NTM: variants seen among roughly 807,000 people sequenced by gnomAD.
NTM encodes IgLON family member 2.
A neutral mutation model predicts 42.1 loss-of-function variants in NTM; 13 were observed. The ratio of observed to expected loss-of-function variants is 0.31; its 90% CI spans 0.20 to 0.49. The LOEUF (loss-of-function observed/expected upper bound fraction) is 0.49. Ranked by LOEUF, NTM falls within the 20% of genes least tolerant of loss-of-function variation. The pLI is 0.99. For synonymous variants in NTM, 187 were observed against 179.2 expected, an observed-to-expected ratio of 1.04 and a Z score of -0.35; for missense variants, 373 against 452.8, an observed-to-expected ratio of 0.82 and a Z score of 1.60.
At chr11:131,560,164 C>T (rs1330361796) in intron 1 of NTM, among the ~76,000 whole-genome samples, 1 of 152,148 alleles carries the variant, frequency 6.6e-6, no homozygotes, top group Non-Finnish European at 1.5e-5. Context: ...AGTAACTGGC[C>T]TTTGCAACTC....
At position 131,555,342 on chromosome 11, in the gene NTM, A is replaced by G. The variant is rs531001795; in HGVS notation, c.82+184454A>G. On this transcript the variant is annotated intron_variant, in intron 1 of 8. Transcript: ENST00000683400. ...GTTCTTAGGAGGAAGACAGGATAAC[A>G]GAGCAGAATTCCATTGGACAGGGTT... Among the ~76,000 whole-genome samples, 12 of 152,338 alleles carry G rather than the reference A, an allele frequency of 7.9e-5. 1 individual carries two copies. In the South Asian group the frequency reaches 2.1e-3, roughly 26 times the overall value.
intron 1 of NTM, among the ~76,000 whole-genome samples, chr11:131,724,202 C>G (rs1265390513): frequency 6.6e-6 from 1 of 152,112 alleles, no homozygotes. Flanking sequence ...TGCAGGGTGG[C>G]CAGGGCGCCT....
chr11:132,241,600 G>A (rs1292092153), intron 4 of NTM, among the ~76,000 whole-genome samples: 1 of 152,164 alleles, frequency 6.6e-6, no homozygotes, highest in Non-Finnish European at 1.5e-5. Context: ...GCTCTGTCCA[G>A]GCATGCTCAC....
chr11:132,330,848 A>G (rs1338529910), intron 8 of NTM, among the ~76,000 whole-genome samples: 2 of 152,200 alleles, frequency 1.3e-5, no homozygotes, highest in Non-Finnish European at 2.9e-5. Flanking sequence ...TGAATGAAGA[A>G]TGGAGGCCTC....
chr11:132,237,372 G>T (rs982515747), intron 4 of NTM, among the ~76,000 whole-genome samples: 1 of 152,072 alleles, frequency 6.6e-6, no homozygotes, highest in African/African-American at 2.4e-5. Flanking sequence ...TTGGGATCTC[G>T]GTACGTCACA....
At chr11:131,643,069 A>T (rs2065331444) in intron 1 of NTM, among the ~76,000 whole-genome samples, 1 of 151,316 alleles carries the variant, frequency 6.6e-6, no homozygotes, top group African/African-American at 2.4e-5. Flanking sequence ...AAAAAAACTC[A>T]GAAGGGGGGA....
At chr11:131,751,253 G>A (rs2082466128) in intron 1 of NTM, among the ~76,000 whole-genome samples, 1 of 152,120 alleles carries the variant, frequency 6.6e-6, no homozygotes, top group South Asian at 2.1e-4. Context: ...GGCCAACATG[G>A]TGAAACCCCG....
At chr11:131,789,813 G>T (rs1474181217) in intron 1 of NTM, among the ~76,000 whole-genome samples, 2 of 150,344 alleles carry the variant, frequency 1.3e-5, no homozygotes, top group Non-Finnish European at 3.0e-5. Flanking sequence ...AAAATTAGCC[G>T]GGTGTGGTGG....
intron 1 of NTM, among the ~76,000 whole-genome samples, chr11:131,389,740 G>T (rs1943773438): frequency 6.6e-6 from 1 of 152,226 alleles, no homozygotes; most frequent in Non-Finnish European, 1.5e-5. Context: ...GTGTAAGGCT[G>T]GGTGTGCTGT....
chr11:131,961,424 G>A (rs2062154720), intron 2 of NTM, among the ~76,000 whole-genome samples: 1 of 152,158 alleles, frequency 6.6e-6, no homozygotes, highest in Non-Finnish European at 1.5e-5. Context: ...TGTGGATGAT[G>A]GGGAGAATTA....
chr11:131,616,016 G>C (rs1406149880), intron 1 of NTM, among the ~76,000 whole-genome samples: 1 of 152,244 alleles, frequency 6.6e-6, no homozygotes, highest in East Asian at 1.9e-4. Context: ...GTTAGCTGCT[G>C]CTTCACATCC....
At chr11:132,125,580 ATG>A (rs1186051429) in intron 2 of NTM, among the ~76,000 whole-genome samples, 1 of 32,760 alleles carries the variant, frequency 3.1e-5, no homozygotes, top group Non-Finnish European at 6.0e-5. Context: ...ATGAATGTGT[ATG>A]TGGTGTGTAG....
intron 7 of NTM, 51 bp downstream of exon 7, chr11:132,314,754 GGA>G (rs771002425): frequency 5.2e-5 from 80 of 1,549,714 alleles, no homozygotes; most frequent in Non-Finnish European, 6.9e-5. Flanking sequence ...GTGCAGAACG[GGA>G]GAGCTGGGTG....
intron 1 of NTM, among the ~76,000 whole-genome samples, chr11:131,505,958 C>T (rs544491343): frequency 6.6e-6 from 1 of 151,884 alleles, no homozygotes; most frequent in Non-Finnish European, 1.5e-5. Flanking sequence ...TCTGTTATTG[C>T]CCTTTTGTCT....
At position 131,850,341 on chromosome 11, in the gene NTM, AAGCT is replaced by A. The variant is rs567724602; in HGVS notation, c.83-61219_83-61216del. Among the ~76,000 whole-genome samples, 948 of 152,242 alleles carry A rather than the reference AAGCT, an allele frequency of 6.2e-3. 12 individuals carry two copies. Among genetic ancestry groups the A allele is most frequent in the African/African-American group, 0.021 (869 of 41,548 alleles). ...GCCCATTGTAACCAGGAGAAAAATA[AAGCT>A]AGCACTATCTCTTTGCCTTCCCCAC... On this transcript the variant is annotated intron_variant, in intron 1 of 8. Coordinates refer to ENST00000683400, the MANE Select transcript of NTM (RefSeq NM_001352005.2).
At chr11:132,042,234 CAA>C (rs2077298289) in intron 2 of NTM, among the ~76,000 whole-genome samples, 1 of 152,098 alleles carries the variant, frequency 6.6e-6, no homozygotes, top group Admixed American at 6.6e-5. Flanking sequence ...TCATAGATGC[CAA>C]ATAGCAGCCC....
intron 2 of NTM, among the ~76,000 whole-genome samples, chr11:131,955,938 C>T (rs1228257456): frequency 1.3e-5 from 2 of 152,216 alleles, no homozygotes; most frequent in South Asian, 2.1e-4. Context: ...AAGATAGCTC[C>T]ATCCTTGTCT....
chr11:132,195,473 A>C (rs1248247730), intron 3 of NTM, among the ~76,000 whole-genome samples: 1 of 145,998 alleles, frequency 6.8e-6, no homozygotes, highest in Non-Finnish European at 1.5e-5. Context: ...ATAGAACCAA[A>C]AAAAAAAAAG....
intron 2 of NTM, among the ~76,000 whole-genome samples, chr11:131,923,850 C>T (rs1233041420): frequency 6.6e-6 from 1 of 152,208 alleles, no homozygotes; most frequent in Non-Finnish European, 1.5e-5. Flanking sequence ...GACCCTCCTC[C>T]CATCCCCAGT....
Sources: gnomAD v4.1 joint callset for allele counts (sites outside exome capture counted in the v4.1 genomes callset) on GRCh38, gnomAD v4.1.1 for gene constraint, MANE v1.5 for transcripts, NCBI Gene and HGNC (gene_info 2026-07-23, HGNC 2026-07-21) for gene names.